The following CSMD2 variants were observed in gnomAD, a reference collection of about 807,000 sequenced individuals.
CSMD2 encodes the protein CUB and sushi domain-containing protein 2.
Under a neutral mutation model 398.5 loss-of-function variants are expected in CSMD2, and 130 were observed. That is an observed-to-expected ratio of 0.33 (90% confidence interval 0.28 to 0.38). The LOEUF is 0.38. Among genes scored for constraint, CSMD2 ranks in the 10% least tolerant of loss-of-function variants. The pLI, the probability that CSMD2 is intolerant of heterozygous loss-of-function variation, is 1.00. For synonymous variants in CSMD2, 1,828 were observed against 1,908.5 expected, an observed-to-expected ratio of 0.96 and a Z score of 1.10; for missense variants, 3,829 against 4,764.9, an observed-to-expected ratio of 0.80 and a Z score of 5.78.
chr1:33,686,480 C>A (rs955609036), intron 25 of CSMD2, among the ~76,000 whole-genome samples: 1 of 152,208 alleles, frequency 6.6e-6, no homozygotes, highest in African/African-American at 2.4e-5. Context: ...GTAGGTATTA[C>A]CAGGGTTCAA....
Position 33,755,062 on chromosome 1 carries a change from A to T in CSMD2, c.1847-11456T>A, listed in dbSNP as rs1290524008. Reference sequence around the variant, plus strand: ...AGCCTGACTGAGATTGGTGTTCATGAATTTATAGCAGTGCCAATTTGTCTG... The same window carrying T: ...AGCCTGACTGAGATTGGTGTTCATGTATTTATAGCAGTGCCAATTTGTCTG... On this transcript the variant is annotated intron_variant, in intron 13 of 70. Transcript: ENST00000373381. Among the ~76,000 whole-genome samples the T allele has an allele frequency of 2.6e-5, 4 of 152,140 alleles. No homozygotes were observed. The East Asian group carries it at 7.7e-4, about 29-fold the overall frequency.
chr1:33,519,722 C>G lies in CSMD2; in HGVS notation c.10737-45G>C, dbSNP rs370039558. ...TGCCCACGGCATGAAAAGAGCGACA[C>G]AGAGAGGCTTAGGGGTCTGGTGCGG... On this transcript the variant is annotated intron_variant, in intron 69 of 70. Coordinates refer to ENST00000373381, the MANE Select transcript of CSMD2 (RefSeq NM_001281956.2). The surrounding 1 kb of genome is among the most constrained non-coding windows in gnomAD (Gnocchi z 5.6). 2 of 1,613,708 alleles carry G rather than the reference C, an allele frequency of 1.2e-6. No individual in the cohort carries two copies. Among genetic ancestry groups the G allele is most frequent in the Non-Finnish European group, 1.7e-6 (2 of 1,179,788 alleles).
In CSMD2 at chr1:33,518,905, G is replaced by T. The variant is rs1203093701; in HGVS notation, c.*53+560C>A. 6.6e-6 allele frequency among the ~76,000 whole-genome samples: 1 copy of T among 152,052 alleles called. No individual in the cohort carries two copies. Among genetic ancestry groups the T allele is most frequent in the Non-Finnish European group, 1.5e-5 (1 of 68,006 alleles). On this transcript the variant is annotated intron_variant, in intron 70 of 70. Coordinates refer to ENST00000373381, the MANE Select transcript of CSMD2 (RefSeq NM_001281956.2). This position sits in a 1 kb window ranked among gnomAD's most constrained non-coding sequence, Gnocchi z 4.3. ...TATCTATATATAGATGGATAGGTAT[G>T]GATATATCTTGATATGGGGTATATG...
At chr1:33,578,798 G>A (rs1374196703) in intron 48 of CSMD2, among the ~76,000 whole-genome samples, 3 of 152,150 alleles carry the variant, frequency 2.0e-5, no homozygotes, top group Non-Finnish European at 4.4e-5. Flanking sequence ...GGCCCTTACA[G>A]CCACCCCTGG....
chr1:33,517,193 G>A (rs1189582925), intron 70 of CSMD2, among the ~76,000 whole-genome samples: 2 of 152,170 alleles, frequency 1.3e-5, no homozygotes, highest in Non-Finnish European at 2.9e-5. Context: ...CAATGTGTGT[G>A]TGTCTGTTCA....
chr1:33,568,055 C>A (rs984070263), intron 52 of CSMD2, among the ~76,000 whole-genome samples: 8 of 150,842 alleles, frequency 5.3e-5, no homozygotes, highest in Non-Finnish European at 1.2e-4. Flanking sequence ...CAGATGTGTG[C>A]AAAATGATCA....
At chr1:33,680,663 C>G (rs1402485069) in intron 25 of CSMD2, among the ~76,000 whole-genome samples, 1 of 152,216 alleles carries the variant, frequency 6.6e-6, no homozygotes, top group South Asian at 2.1e-4. Flanking sequence ...TTGATCTGCT[C>G]CAGAGGCTGC....
At chr1:33,550,051 A>C in intron 56 of CSMD2, 126 bp downstream of exon 56, 1 of 888,896 alleles carries the variant, frequency 1.1e-6, no homozygotes, top group Non-Finnish European at 1.8e-6. Flanking sequence ...CTGTTAGGGT[A>C]GATATAAGGG....
intron 2 of CSMD2, among the ~76,000 whole-genome samples, chr1:34,042,220 T>A (rs1651927077): frequency 6.6e-6 from 1 of 152,200 alleles, no homozygotes; most frequent in South Asian, 2.1e-4. Flanking sequence ...TTAGGCTTTG[T>A]CCAAATGTCT....
intron 2 of CSMD2, among the ~76,000 whole-genome samples, chr1:34,076,978 T>TC (rs1656453792): frequency 1.6e-5 from 2 of 127,422 alleles, no homozygotes. Flanking sequence ...CTCCCATGAC[T>TC]CCCAGCCTTA....
intron 3 of CSMD2, among the ~76,000 whole-genome samples, chr1:33,975,974 C>T (rs1645948232): frequency 6.6e-6 from 1 of 152,252 alleles, no homozygotes; most frequent in African/African-American, 2.4e-5. Context: ...AAGATCCCTC[C>T]TGACATCCAA....
At chr1:33,705,950 A>T (rs1176655526) in intron 22 of CSMD2, among the ~76,000 whole-genome samples, 2 of 150,264 alleles carry the variant, frequency 1.3e-5, no homozygotes, top group South Asian at 2.1e-4. Context: ...AAAAAAAAAC[A>T]GTTGGTTTGG....
intron 19 of CSMD2, among the ~76,000 whole-genome samples, chr1:33,718,630 T>C (rs1217854236): frequency 6.6e-6 from 1 of 152,192 alleles, no homozygotes; most frequent in Non-Finnish European, 1.5e-5. Context: ...CTTACTAGAA[T>C]TGCAGAATCT....
chr1:34,093,859 C>G (rs1003154270), intron 1 of CSMD2, among the ~76,000 whole-genome samples: 17 of 151,952 alleles, frequency 1.1e-4, no homozygotes, highest in Admixed American at 1.1e-3. Context: ...GGAGAATTTC[C>G]CCAATCTAGC....
intron 41 of CSMD2, among the ~76,000 whole-genome samples, chr1:33,609,046 C>G (rs1640824202): frequency 6.6e-6 from 1 of 152,222 alleles, no homozygotes; most frequent in Non-Finnish European, 1.5e-5. Flanking sequence ...ATAATAGGCA[C>G]AGACATCCTT....
intron 36 of CSMD2, among the ~76,000 whole-genome samples, chr1:33,623,011 C>A (rs78408845): frequency 6.6e-6 from 1 of 152,158 alleles, no homozygotes; most frequent in Non-Finnish European, 1.5e-5. Flanking sequence ...GAAAACATCA[C>A]GTTAAGTGAA....
At chr1:33,627,019 T>C (rs1309770789) in intron 32 of CSMD2, among the ~76,000 whole-genome samples, 1 of 152,160 alleles carries the variant, frequency 6.6e-6, no homozygotes, top group African/African-American at 2.4e-5. Flanking sequence ...CATTGGCCTC[T>C]AGGAAGGAGG....
intron 5 of CSMD2, among the ~76,000 whole-genome samples, chr1:33,890,232 CTTT>C (rs11417145): frequency 6.1e-5 from 8 of 130,420 alleles, no homozygotes; most frequent in Non-Finnish European, 9.5e-5. Context: ...CTTTTTCTTT[CTTT>C]TTTTTTTTTT....
At chr1:34,143,716 G>T (rs972927496) in intron 1 of CSMD2, among the ~76,000 whole-genome samples, 7 of 152,050 alleles carry the variant, frequency 4.6e-5, no homozygotes, top group African/African-American at 1.7e-4. Context: ...AGGAAGGAGG[G>T]GAAAAGTCTT....
Sources: gnomAD v4.1 joint callset for allele counts (sites outside exome capture counted in the v4.1 genomes callset) on GRCh38, gnomAD v4.1.1 for gene constraint, Gnocchi (gnomAD v3.1) non-coding constraint, MANE v1.5 for transcripts, NCBI Gene and HGNC (gene_info 2026-07-23, HGNC 2026-07-21) for gene names.